The following FRY variants were observed in gnomAD, a reference collection of about 807,000 sequenced individuals.
The protein encoded by FRY is protein furry homolog.
Under a neutral mutation model 348.4 loss-of-function variants are expected in FRY, and 128 were observed. That is an observed-to-expected ratio of 0.37 (90% CI 0.32 to 0.43). The LOEUF (loss-of-function observed/expected upper bound fraction) is 0.43. FRY is among the 20% of genes least tolerant of loss of function. FRY has a pLI of 1.00. For missense variants in FRY, 2,736 were observed against 3,695.2 expected (o/e 0.74, Z 6.73); for synonymous variants, 1,370 against 1,374.7 (o/e 1.00, Z 0.08).
chr13:32,120,675 T>G (rs150241443), intron 4 of FRY, among the ~76,000 whole-genome samples: 3,724 of 152,308 alleles, frequency 0.024, 56 homozygotes, highest in Non-Finnish European at 0.038. Flanking sequence ...TTTGTTTGTT[T>G]GTTTGAGACG....
At chr13:32,088,136 C>T (rs1323492480) in intron 2 of FRY, among the ~76,000 whole-genome samples, 3 of 152,124 alleles carry the variant, frequency 2.0e-5, no homozygotes, top group Non-Finnish European at 4.4e-5. Context: ...AGTCAGCTTC[C>T]CAGAAGGATA....
intron 49 of FRY, 146 bp from the exon 50 acceptor site, chr13:32,251,732 G>C (rs1887092461): frequency 6.0e-6 from 4 of 665,236 alleles, no homozygotes; most frequent in Admixed American, 2.3e-5. Flanking sequence ...TGCTATTTGT[G>C]TTCTTTTTTC....
rs553090134 is a variant in FRY at position 32,047,584 on chromosome 13, G to GA, written c.70+15719_70+15720insA. Among the ~76,000 whole-genome samples, 3 of 148,628 alleles carry GA rather than the reference G, an allele frequency of 2.0e-5. No individual in the cohort carries two copies. The Admixed American group carries it at 2.0e-4, about 10-fold the overall frequency. On this transcript the variant is annotated intron_variant, in intron 1 of 60. Coordinates refer to ENST00000542859, the MANE Select transcript of FRY (RefSeq NM_023037.3). Reference sequence around the variant, plus strand: ...TTTCTTTTCTTTTCTTTTTTTTTGGGGGGGGTGCAGAGTTTCACTCTTGTT... The same window carrying GA: ...TTTCTTTTCTTTTCTTTTTTTTTGGGAGGGGGTGCAGAGTTTCACTCTTGTT...
At chr13:32,102,126 T>C in intron 3 of FRY, 110 bp downstream of exon 3, 1 of 747,748 alleles carries the variant, frequency 1.3e-6, no homozygotes, top group South Asian at 1.4e-5. Context: ...AAAAAGTATA[T>C]GGGTATGTGG....
rs1173810073 is a variant in FRY, at chr13:32,280,899, G to A, written c.8469+2351G>A. 2.0e-5 allele frequency among the ~76,000 whole-genome samples: 3 copies of A among 152,316 alleles called. No homozygotes were observed. In the East Asian group the frequency reaches 5.8e-4, roughly 29 times the overall value. On this transcript the variant is annotated intron_variant, in intron 58 of 60. Transcript: ENST00000542859. Reference sequence around the variant, plus strand: ...TAAAATACGTATTTCTGTTGTGCTTGTGGTTTATTTCTATTAAGTTGTTTT... The same window carrying A: ...TAAAATACGTATTTCTGTTGTGCTTATGGTTTATTTCTATTAAGTTGTTTT...
rs1344207773 is a variant in FRY at position 32,262,608 on chromosome 13, T to C, written c.7779+133T>C. 15 of 745,590 alleles carry C rather than the reference T, an allele frequency of 2.0e-5. No individual in the cohort carries two copies. In the African/African-American group the frequency reaches 2.7e-4, roughly 13 times the overall value. The allele number at this position is 745,590 out of a possible 1,614,324, so 46.2% of individuals were successfully genotyped here. A position where few individuals can be genotyped will look rare whatever the true frequency, so the allele number is the denominator to read the frequency against. The stretch of plus-strand genomic sequence containing the variant: ...TTTATCTTTTTCTTTCTCTCTTTTT[T>C]AAAATAATAGAAGTTTGTGCACCTG... On this transcript the variant is annotated intron_variant, in intron 53 of 60. Transcript: ENST00000542859.
chr13:32,286,183 T>G (rs1216624361), intron 58 of FRY, among the ~76,000 whole-genome samples: 1 of 152,218 alleles, frequency 6.6e-6, no homozygotes, highest in Non-Finnish European at 1.5e-5. Flanking sequence ...TCATTTGTTC[T>G]TATTTACTGT....
Position 32,208,917 on chromosome 13 carries a change from G to T in FRY, c.4083G>T (p.Leu1361=). The T allele has an allele frequency of 3.7e-6, 6 of 1,614,140 alleles. No homozygotes were observed. The highest frequency in any genetic ancestry group is 5.1e-6 in the Non-Finnish European group (6 of 1,180,022). Residue 1361 remains leucine, a synonymous_variant, in exon 32 of 61, where the codon CTG becomes CTT. Coordinates refer to ENST00000542859, the MANE Select transcript of FRY (RefSeq NM_023037.3). ...NGRQIMLTYL[L]PWLHNIELVD... Reference sequence around the variant, plus strand: ...GCCAGATCATGCTTACCTACCTGCTGCCCTGGCTGCACAACATCGAGCTGG... The same window carrying T: ...GCCAGATCATGCTTACCTACCTGCTTCCCTGGCTGCACAACATCGAGCTGG...
At chr13:32,105,961 C>G (rs1247961942) in intron 3 of FRY, among the ~76,000 whole-genome samples, 1 of 151,356 alleles carries the variant, frequency 6.6e-6, no homozygotes, top group African/African-American at 2.4e-5. Flanking sequence ...TCATGTAATA[C>G]TTTATAGTTT....
chr13:32,074,328 A>T (rs2138510277), intron 1 of FRY, among the ~76,000 whole-genome samples: 1 of 152,234 alleles, frequency 6.6e-6, no homozygotes, highest in East Asian at 1.9e-4. Context: ...GGAGAAAAAA[A>T]TTAGAACGTG....
intron 59 of FRY, 45 bp from the exon 60 acceptor site, chr13:32,294,323 C>A: frequency 7.3e-7 from 1 of 1,374,998 alleles, no homozygotes; most frequent in African/African-American, 1.4e-5. Context: ...TGTAAAATTC[C>A]CCCAGCACCT....
intron 2 of FRY, among the ~76,000 whole-genome samples, chr13:32,098,026 G>T (rs1370668249): frequency 6.6e-6 from 1 of 152,014 alleles, no homozygotes; most frequent in African/African-American, 2.4e-5. Context: ...GGACACCACT[G>T]TCCTAGAACT....
chr13:32,204,031 C>A (rs1236496208), intron 31 of FRY, among the ~76,000 whole-genome samples: 1 of 152,192 alleles, frequency 6.6e-6, no homozygotes, highest in Non-Finnish European at 1.5e-5. Flanking sequence ...ATAGTAGGTA[C>A]CAGCCTCCAT....
intron 1 of FRY, among the ~76,000 whole-genome samples, chr13:32,064,028 C>T (rs774183983): frequency 1.3e-5 from 2 of 152,062 alleles, no homozygotes; most frequent in Non-Finnish European, 2.9e-5. Flanking sequence ...TGCTACAGGA[C>T]GAATAAAGCA....
chr13:32,211,101 A>G, intron 34 of FRY, 67 bp downstream of exon 34: 1 of 1,391,742 alleles, frequency 7.2e-7, no homozygotes, highest in Non-Finnish European at 1.0e-6. Flanking sequence ...TAGATTCCTG[A>G]AAGGATATGA....
intron 28 of FRY, 71 bp downstream of exon 28, chr13:32,187,727 T>G: frequency 1.2e-6 from 1 of 831,642 alleles, no homozygotes; most frequent in Non-Finnish European, 2.1e-6. Context: ...TACTGAGATG[T>G]GTAAGCATTG....
intron 51 of FRY, among the ~76,000 whole-genome samples, chr13:32,255,756 A>C (rs895765968): frequency 1.3e-5 from 2 of 152,258 alleles, no homozygotes; most frequent in Non-Finnish European, 2.9e-5. Flanking sequence ...TCTAAAGCAA[A>C]ATACAACTGT....
intron 52 of FRY, 77 bp downstream of exon 52, chr13:32,261,893 G>C: frequency 1.5e-6 from 2 of 1,362,150 alleles, no homozygotes; most frequent in African/African-American, 2.9e-5. Flanking sequence ...GTTTCCAGTT[G>C]CAGCTAAGGA....
At chr13:32,208,216 C>G (rs552612379) in intron 31 of FRY, among the ~76,000 whole-genome samples, 35 of 152,302 alleles carry the variant, frequency 2.3e-4, no homozygotes, top group African/African-American at 3.1e-4. Context: ...TTTATTCTTC[C>G]TAGAGATCCG....
Sources: gnomAD v4.1 joint callset for allele counts (sites outside exome capture counted in the v4.1 genomes callset) on GRCh38, gnomAD v4.1.1 for gene constraint, MANE v1.5 for transcripts, NCBI Gene and HGNC (gene_info 2026-07-23, HGNC 2026-07-21) for gene names.